Variants in PLGRKT observed in about 807,000 individuals in gnomAD.
PLGRKT encodes plasminogen receptor (KT).
A neutral mutation model predicts 18.5 loss-of-function variants in PLGRKT; 22 were observed. The observed-to-expected ratio is 1.19, with a 90% CI of 0.85 to 1.70. PLGRKT has a LOEUF of 1.70. Among genes scored for constraint, PLGRKT ranks in the 40% most tolerant of loss-of-function variants. The probability of loss-of-function intolerance (pLI) is 0.00; values close to 1 mark genes in which losing one functional copy is unlikely to be tolerated. For synonymous variants in PLGRKT, 72 were observed against 52.8 expected (o/e 1.36, Z -1.58); for missense variants, 235 against 174.4 (o/e 1.35, Z -1.96).
intron 3 of PLGRKT, among the ~76,000 whole-genome samples, chr9:5,407,559 T>C (rs1818279911): frequency 6.6e-6 from 1 of 152,148 alleles, no homozygotes; most frequent in African/African-American, 2.4e-5. Context: ...AATAAATTAG[T>C]ATTACAATAT....
chr9:5,383,361 C>A (rs1451494637), intron 3 of PLGRKT, among the ~76,000 whole-genome samples: 2 of 152,190 alleles, frequency 1.3e-5, no homozygotes, highest in Non-Finnish European at 2.9e-5. Flanking sequence ...CCAATACACT[C>A]CTCAGCTGCT....
In PLGRKT at chr9:5,371,425, AT is replaced by A. The variant is rs144996427; in HGVS notation, c.82-9538del. ...TGAATCATGGGGGCCAGTTTTTCCC[AT>A]GCTATTCTCATGACAGCGAATAACT... On this transcript the variant is annotated intron_variant, in intron 3 of 5. Coordinates refer to ENST00000223864, the MANE Select transcript of PLGRKT (RefSeq NM_018465.4). Among the ~76,000 whole-genome samples, 64 of 152,224 alleles carry A rather than the reference AT, an allele frequency of 4.2e-4. 3 individuals carry two copies. The East Asian group carries it at 0.012, about 29-fold the overall frequency.
intron 3 of PLGRKT, among the ~76,000 whole-genome samples, chr9:5,404,241 T>C (rs112157441): frequency 0.012 from 1,858 of 152,158 alleles, 34 homozygotes; most frequent in African/African-American, 0.043. Flanking sequence ...TTCCAAACAA[T>C]TGAAAAGGAG....
chr9:5,428,998 G>C (rs1818760386), intron 3 of PLGRKT, among the ~76,000 whole-genome samples: 2 of 152,174 alleles, frequency 1.3e-5, no homozygotes, highest in Admixed American at 1.3e-4. Flanking sequence ...CATCATGCTT[G>C]ATCACATGTA....
At chr9:5,437,137 C>G (rs142593268) in intron 1 of PLGRKT, among the ~76,000 whole-genome samples, 1 of 152,246 alleles carries the variant, frequency 6.6e-6, no homozygotes, top group Non-Finnish European at 1.5e-5. Flanking sequence ...CTCAGGTGAG[C>G]TATAGATTAC....
In PLGRKT at chr9:5,387,535, A is replaced by AATAAAGTATATACCATAATAT. The variant is rs1157147890; in HGVS notation, c.82-25648_82-25647insATATTATGGTATATACTTTAT. Among the ~76,000 whole-genome samples, 7 of 152,108 alleles carry AATAAAGTATATACCATAATAT rather than the reference A, an allele frequency of 4.6e-5. No individual in the cohort carries two copies. In the East Asian group the frequency reaches 1.3e-3, roughly 29 times the overall value. ...CACAGATGTAATGTTGAATTAAGAA[A>AATAAAGTATATACCATAATAT]ACAGACATAATAAAGTATATACCAT... is the stretch of plus-strand genomic sequence containing the variant. On this transcript the variant is annotated intron_variant, in intron 3 of 5. Coordinates refer to ENST00000223864, the MANE Select transcript of PLGRKT (RefSeq NM_018465.4).
intron 3 of PLGRKT, among the ~76,000 whole-genome samples, chr9:5,408,590 T>C (rs557287658): frequency 5.3e-5 from 8 of 152,340 alleles, no homozygotes; most frequent in Admixed American, 2.0e-4. Context: ...ACAAAATTTG[T>C]AGCATAGCCA....
rs181143134 is a variant in PLGRKT at position 5,397,954 on chromosome 9, C to T, written c.81+33943G>A. 3.2e-3 allele frequency among the ~76,000 whole-genome samples: 479 copies of T among 151,926 alleles called. 1 individual carries two copies. Among genetic ancestry groups the T allele is most frequent in the Non-Finnish European group, 5.0e-3 (342 of 68,024 alleles). Reference sequence around the variant, plus strand: ...AAAACTAGAACGGGGAGGCATAGAACTTGAAGGAGGACATAGCTGAGATCT... The same window carrying T: ...AAAACTAGAACGGGGAGGCATAGAATTTGAAGGAGGACATAGCTGAGATCT... On this transcript the variant is annotated intron_variant, in intron 3 of 5. Transcript: ENST00000223864.
intron 3 of PLGRKT, among the ~76,000 whole-genome samples, chr9:5,387,093 T>G (rs1817858783): frequency 6.6e-6 from 1 of 151,966 alleles, no homozygotes; most frequent in Non-Finnish European, 1.5e-5. Context: ...AAGCAGGTTC[T>G]GATTATGTAG....
chr9:5,400,325 G>A (rs1818132202), intron 3 of PLGRKT, among the ~76,000 whole-genome samples: 1 of 151,876 alleles, frequency 6.6e-6, no homozygotes, highest in Non-Finnish European at 1.5e-5. Flanking sequence ...ATTGTGGGGT[G>A]CATAACTGAA....
In PLGRKT at chr9:5,359,623, T is replaced by C. The variant is rs147357110; in HGVS notation, c.323-1263A>G. Among the ~76,000 whole-genome samples, 12 of 152,324 alleles carry C rather than the reference T, an allele frequency of 7.9e-5. No individual in the cohort carries two copies. In the East Asian group the frequency reaches 2.3e-3, roughly 29 times the overall value. ...GATAAACTCAGTCGAATAGGGATTG[T>C]ATATTTTAGGGTCATCACTATTAAC... On this transcript the variant is annotated intron_variant, in intron 5 of 5. Coordinates refer to ENST00000223864, the MANE Select transcript of PLGRKT (RefSeq NM_018465.4).
chr9:5,372,517 T>A (rs1186537010), intron 3 of PLGRKT, among the ~76,000 whole-genome samples: 2 of 152,194 alleles, frequency 1.3e-5, no homozygotes, highest in Non-Finnish European at 2.9e-5. Context: ...GTTTGCACTC[T>A]ACATTATCAG....
intron 3 of PLGRKT, among the ~76,000 whole-genome samples, chr9:5,385,058 G>A (rs1817816500): frequency 6.6e-6 from 1 of 152,112 alleles, no homozygotes; most frequent in African/African-American, 2.4e-5. Context: ...GGCCAGGGGA[G>A]GGCAGATCAT....
At chr9:5,399,255 G>A (rs1040701045) in intron 3 of PLGRKT, among the ~76,000 whole-genome samples, 4 of 151,958 alleles carry the variant, frequency 2.6e-5, no homozygotes, top group East Asian at 1.9e-4. Flanking sequence ...TCTGTCTAAT[G>A]TCAATTTAAT....
rs11790322 is a variant in PLGRKT at position 5,418,766 on chromosome 9, C to T, written c.81+13131G>A. On this transcript the variant is annotated intron_variant, in intron 3 of 5. Transcript: ENST00000223864. This position sits in a 1 kb window ranked among gnomAD's most constrained non-coding sequence, Gnocchi z 4.2. ...GTGATGACAGCCAGGACCTCGGGGT[C>T]GTCGAGGAGCTGCGACACGGAGAAG... 9.7e-3 allele frequency: 6,997 copies of T among 724,386 alleles called. 43 individuals are homozygous for T. The highest frequency in any genetic ancestry group is 0.012 in the Non-Finnish European group (5,042 of 408,746). 44.9% of individuals were successfully genotyped at this position (724,386 alleles called of 1,614,324 possible).
At chr9:5,400,245 C>A (rs1463204231) in intron 3 of PLGRKT, among the ~76,000 whole-genome samples, 1 of 151,734 alleles carries the variant, frequency 6.6e-6, no homozygotes, top group African/African-American at 2.4e-5. Context: ...GCATAATCCC[C>A]ACTCAATATA....
chr9:5,420,378 C>A (rs1441892847), intron 3 of PLGRKT, among the ~76,000 whole-genome samples: 2 of 152,062 alleles, frequency 1.3e-5, no homozygotes, highest in African/African-American at 4.8e-5. Flanking sequence ...TTGTGGTAGA[C>A]TTTAAAATGG....
Position 5,418,770 on chromosome 9 carries a change from G to C in PLGRKT, c.81+13127C>G, listed in dbSNP as rs544878511. ...TGACAGCCAGGACCTCGGGGTCGTC[G>C]AGGAGCTGCGACACGGAGAAGTCAG... On this transcript the variant is annotated intron_variant, in intron 3 of 5. Coordinates refer to ENST00000223864, the MANE Select transcript of PLGRKT (RefSeq NM_018465.4). This position sits in a 1 kb window ranked among gnomAD's most constrained non-coding sequence, Gnocchi z 4.2. 1.4e-6 allele frequency: 1 copy of C among 740,070 alleles called. No homozygotes were observed. The allele number at this position is 740,070 out of a possible 1,614,324, so 45.8% of individuals were successfully genotyped here.
intron 3 of PLGRKT, among the ~76,000 whole-genome samples, chr9:5,399,491 C>G (rs1226075425): frequency 1.3e-5 from 2 of 151,440 alleles, no homozygotes; most frequent in Non-Finnish European, 2.9e-5. Flanking sequence ...ATTGTCCGGT[C>G]CTTGCAAGTG....
Sources: gnomAD v4.1 joint callset for allele counts (sites outside exome capture counted in the v4.1 genomes callset) on GRCh38, gnomAD v4.1.1 for gene constraint, Gnocchi (gnomAD v3.1) non-coding constraint, MANE v1.5 for transcripts, NCBI Gene and HGNC (gene_info 2026-07-23, HGNC 2026-07-21) for gene names.